WDPCP: variants seen among roughly 807,000 people sequenced by gnomAD.
WDPCP encodes the protein WD repeat containing planar cell polarity effector, also known as WD repeat-containing and planar cell polarity effector protein fritz homolog.
A neutral mutation model predicts 93.1 loss-of-function variants in WDPCP; 71 were observed. That is an observed-to-expected ratio of 0.76 (90% confidence interval 0.63 to 0.93). The LOEUF is 0.93. WDPCP is among the 40% of genes least tolerant of loss of function. WDPCP has a pLI of 0.00. For synonymous variants in WDPCP, 315 were observed against 315.0 expected, an observed-to-expected ratio of 1.00 and a Z score of 0.00; for missense variants, 844 against 887.4, an observed-to-expected ratio of 0.95 and a Z score of 0.62.
chr2:63,527,288 G>A (rs1194352596), intron 1 of WDPCP, among the ~76,000 whole-genome samples: 1 of 145,654 alleles, frequency 6.9e-6, no homozygotes, highest in Non-Finnish European at 1.5e-5. Context: ...TGTTACATAT[G>A]TATACCTGTG....
intron 13 of WDPCP, among the ~76,000 whole-genome samples, chr2:63,303,825 G>A (rs1443757617): frequency 6.6e-6 from 1 of 152,122 alleles, no homozygotes; most frequent in Non-Finnish European, 1.5e-5. Flanking sequence ...GGGCAAAAGA[G>A]ATAGACATTT....
At chr2:63,606,910 C>T (rs1420432202) in intron 3 of WDPCP, 14 of 1,611,672 alleles carry the variant, frequency 8.7e-6, no homozygotes, top group South Asian at 7.7e-5. Flanking sequence ...TGATTTCTCA[C>T]GTGAGAAGAT....
chr2:63,664,135 G>A (rs999493010), intron 2 of WDPCP, among the ~76,000 whole-genome samples: 2 of 152,206 alleles, frequency 1.3e-5, no homozygotes, highest in Admixed American at 1.3e-4. Flanking sequence ...GTGGGAAGTA[G>A]AAGCTGACAA....
rs939806267 is a variant in WDPCP, at chr2:63,595,325, C to T, written n.488+55334G>A. On this transcript the variant is annotated intron_variant and non_coding_transcript_variant, in intron 3 of 4. Transcript: ENST00000467687. ...CATCATGACTAATTAATGGGAATTACATGCATGTACATACCAAATAAAAAC... is the reference window on the plus strand; with the variant it reads ...CATCATGACTAATTAATGGGAATTATATGCATGTACATACCAAATAAAAAC... 1.1e-4 allele frequency: 83 copies of T among 766,448 alleles called. No individual in the cohort carries two copies. The East Asian group carries it at 1.5e-3, about 14-fold the overall frequency. 47.5% of individuals were successfully genotyped at this position (766,448 alleles called of 1,614,324 possible).
intron 12 of WDPCP, among the ~76,000 whole-genome samples, chr2:63,343,142 G>T (rs932327750): frequency 6.6e-6 from 1 of 151,894 alleles, no homozygotes; most frequent in Non-Finnish European, 1.5e-5. Flanking sequence ...CTGGGATTAC[G>T]GGCTTGTACC....
At chr2:63,643,602 G>A in intron 3 of WDPCP, 3 of 440,314 alleles carry the variant, frequency 6.8e-6, no homozygotes, top group Non-Finnish European at 1.3e-5. Context: ...GATCAGGGTA[G>A]TGGATAGTGT....
intron 2 of WDPCP, among the ~76,000 whole-genome samples, chr2:63,772,410 T>G (rs1484551293): frequency 2.6e-5 from 4 of 152,060 alleles, no homozygotes; most frequent in African/African-American, 9.7e-5. Context: ...CCTTATAGAT[T>G]CTGTATATAA....
chr2:63,377,537 AATTT>A (rs1157173283), intron 12 of WDPCP, among the ~76,000 whole-genome samples: 1 of 150,942 alleles, frequency 6.6e-6, no homozygotes, highest in Non-Finnish European at 1.5e-5. Context: ...ATAATTTAAT[AATTT>A]ATTTAATAAT....
intron 10 of WDPCP, among the ~76,000 whole-genome samples, chr2:63,388,880 C>G (rs1256973009): frequency 3.3e-5 from 5 of 152,004 alleles, no homozygotes; most frequent in Admixed American, 2.0e-4. Flanking sequence ...ATAAAGACTC[C>G]AAGAAATATG....
At chr2:63,705,524 C>CA (rs1558889216) in intron 2 of WDPCP, among the ~76,000 whole-genome samples, 1 of 152,128 alleles carries the variant, frequency 6.6e-6, no homozygotes, top group East Asian at 1.9e-4. Flanking sequence ...TTTCAAAGAA[C>CA]ATCTTTATTT....
chr2:63,420,680 G>T (rs7580974), intron 9 of WDPCP, among the ~76,000 whole-genome samples: 7 of 152,068 alleles, frequency 4.6e-5, no homozygotes, highest in Non-Finnish European at 7.4e-5. Context: ...CATCAATCAA[G>T]AACAATGTGT....
intron 17 of WDPCP, among the ~76,000 whole-genome samples, chr2:63,147,509 G>A (rs1401384343): frequency 1.1e-4 from 16 of 152,110 alleles, no homozygotes. Context: ...AAAATGATGA[G>A]TTTAGTTTAA....
upstream of WDPCP, chr2:63,588,928 G>A: frequency 7.0e-6 from 10 of 1,436,342 alleles, no homozygotes; most frequent in Non-Finnish European, 8.8e-6. Context: ...CGTCGGGAGC[G>A]GAGCCTTTTC....
chr2:63,768,329 A>G (rs1433812808), intron 2 of WDPCP, among the ~76,000 whole-genome samples: 1 of 144,178 alleles, frequency 6.9e-6, no homozygotes, highest in Non-Finnish European at 1.5e-5. Context: ...TAAGTGTGCC[A>G]TTTTTGTTCC....
chr2:63,673,053 C>T (rs1710363296), intron 2 of WDPCP, among the ~76,000 whole-genome samples: 1 of 152,070 alleles, frequency 6.6e-6, no homozygotes, highest in Non-Finnish European at 1.5e-5. Context: ...GCTCTTGGCC[C>T]ATTTTAACCA....
chr2:63,264,580 A>G (rs1410824211), intron 13 of WDPCP, among the ~76,000 whole-genome samples: 1 of 152,236 alleles, frequency 6.6e-6, no homozygotes, highest in Non-Finnish European at 1.5e-5. Flanking sequence ...ATGAATATAT[A>G]AAGCAAATAT....
intron 2 of WDPCP, among the ~76,000 whole-genome samples, chr2:63,669,885 G>T (rs1710324840): frequency 6.6e-6 from 1 of 152,054 alleles, no homozygotes. Flanking sequence ...TGGAGCTCCT[G>T]GTTTGAATCC....
At chr2:63,310,799 T>C (rs1276977725) in intron 13 of WDPCP, among the ~76,000 whole-genome samples, 2 of 152,146 alleles carry the variant, frequency 1.3e-5, no homozygotes, top group Non-Finnish European at 2.9e-5. Context: ...TTCAAGGTTA[T>C]AGTGAGCTAT....
chr2:63,397,945 T>TA (rs1693862434), intron 10 of WDPCP, among the ~76,000 whole-genome samples: 1 of 152,102 alleles, frequency 6.6e-6, no homozygotes, highest in African/African-American at 2.4e-5. Context: ...TTTTATGGTG[T>TA]AGTTTGGGCC....
Sources: allele counts gnomAD v4.1 joint callset (sites outside exome capture counted in the v4.1 genomes callset), GRCh38; gene constraint gnomAD v4.1.1; transcripts MANE v1.5; gene names NCBI Gene and HGNC (gene_info 2026-07-23, HGNC 2026-07-21).